The following LRRC4C variants were observed in gnomAD, a reference collection of about 807,000 sequenced individuals.
LRRC4C encodes leucine rich repeat containing 4C.
LRRC4C carries 5 observed loss-of-function variants against 33.6 expected under a neutral mutation model. The ratio of observed to expected loss-of-function variants is 0.15; its 90% CI spans 0.08 to 0.31. The LOEUF (loss-of-function observed/expected upper bound fraction) is 0.31. LRRC4C is among the 10% of genes least tolerant of loss of function. The probability of loss-of-function intolerance (pLI) is 1.00; values close to 1 mark genes in which losing one functional copy is unlikely to be tolerated. For missense variants in LRRC4C, 560 were observed against 796.7 expected (o/e 0.70, Z 3.58); for synonymous variants, 329 against 302.0 (o/e 1.09, Z -0.93).
chr11:40,253,030 T>G (rs1055569297), intron 4 of LRRC4C, among the ~76,000 whole-genome samples: 13 of 152,178 alleles, frequency 8.5e-5, no homozygotes, highest in South Asian at 4.1e-4. Context: ...GAAAATAATT[T>G]TGGATCAGAA....
intron 1 of LRRC4C, among the ~76,000 whole-genome samples, chr11:41,386,485 G>A (rs1039526521): frequency 3.3e-5 from 5 of 151,478 alleles, no homozygotes; most frequent in African/African-American, 9.7e-5. Flanking sequence ...TTAACTGCAG[G>A]CTTTGTTCAG....
intron 1 of LRRC4C, among the ~76,000 whole-genome samples, chr11:41,373,815 A>G (rs1952840705): frequency 6.6e-6 from 1 of 152,214 alleles, no homozygotes; most frequent in Non-Finnish European, 1.5e-5. Context: ...AAGCAAAGAA[A>G]TAGAATTTTC....
At chr11:41,126,988 A>G (rs916253453) in intron 1 of LRRC4C, among the ~76,000 whole-genome samples, 1 of 152,216 alleles carries the variant, frequency 6.6e-6, no homozygotes, top group Non-Finnish European at 1.5e-5. Context: ...TCATGCAACA[A>G]TAGATTACTT....
chr11:41,310,107 T>C (rs1216542431), intron 1 of LRRC4C, among the ~76,000 whole-genome samples: 4 of 152,234 alleles, frequency 2.6e-5, no homozygotes, highest in Non-Finnish European at 5.9e-5. Flanking sequence ...TGATTTTAAT[T>C]TGATACACTA....
intron 3 of LRRC4C, among the ~76,000 whole-genome samples, chr11:40,628,338 C>T (rs1591314593): frequency 6.6e-6 from 1 of 152,144 alleles, no homozygotes; most frequent in South Asian, 2.1e-4. Flanking sequence ...ATTAGCCGGG[C>T]GTGGTGGCGG....
At chr11:41,015,861 C>T (rs574156988) in intron 1 of LRRC4C, among the ~76,000 whole-genome samples, 2 of 152,038 alleles carry the variant, frequency 1.3e-5, no homozygotes, top group African/African-American at 4.8e-5. Flanking sequence ...TTTATCCGGG[C>T]GTGGTGGCGG....
At position 40,478,843 on chromosome 11, in the gene LRRC4C, T is replaced by A. The variant is rs546065670; in HGVS notation, c.-269-159122A>T. Among the ~76,000 whole-genome samples the A allele has an allele frequency of 4.1e-4, 62 of 152,308 alleles. 1 individual carries two copies. Among genetic ancestry groups the A allele is most frequent in the African/African-American group, 1.4e-3 (60 of 41,570 alleles). ...TGCATCAAGAGTGGAAGTGACAGTA[T>A]TGAAGAAAATCTGCATTAGGAGGTT... On this transcript the variant is annotated intron_variant, in intron 3 of 6. Transcript: ENST00000528697.
At chr11:40,629,635 A>G (rs1963279586) in intron 3 of LRRC4C, among the ~76,000 whole-genome samples, 1 of 152,162 alleles carries the variant, frequency 6.6e-6, no homozygotes, top group Non-Finnish European at 1.5e-5. Context: ...CTGTGTCACC[A>G]TAGCTTTGAT....
At chr11:41,449,602 T>C (rs1353228422) in intron 1 of LRRC4C, among the ~76,000 whole-genome samples, 1 of 151,980 alleles carries the variant, frequency 6.6e-6, no homozygotes, top group Non-Finnish European at 1.5e-5. Flanking sequence ...ATTAGCTGTT[T>C]CTCTGTTTCT....
intron 3 of LRRC4C, among the ~76,000 whole-genome samples, chr11:40,347,481 T>A (rs963675503): frequency 2.6e-5 from 4 of 152,176 alleles, no homozygotes; most frequent in Admixed American, 6.5e-5. Flanking sequence ...TTCTTCAGAA[T>A]TTTTTTTCTT....
At chr11:41,421,349 T>A (rs1954867482) in intron 1 of LRRC4C, among the ~76,000 whole-genome samples, 2 of 152,056 alleles carry the variant, frequency 1.3e-5, no homozygotes, top group Admixed American at 6.6e-5. Context: ...TAGCAACTGT[T>A]GGTAATTTTG....
intron 1 of LRRC4C, among the ~76,000 whole-genome samples, chr11:41,268,765 A>T (rs773976780): frequency 5.2e-4 from 79 of 152,148 alleles, no homozygotes; most frequent in Admixed American, 1.9e-3. Context: ...AAAATCCCAA[A>T]TTCCTCAGTG....
intron 2 of LRRC4C, among the ~76,000 whole-genome samples, chr11:40,896,125 T>G (rs914971986): frequency 1.3e-5 from 2 of 152,160 alleles, no homozygotes; most frequent in Non-Finnish European, 2.9e-5. Flanking sequence ...CTCTATTCAC[T>G]TCACACGATT....
At chr11:41,325,787 G>A (rs892914209) in intron 1 of LRRC4C, among the ~76,000 whole-genome samples, 4 of 151,972 alleles carry the variant, frequency 2.6e-5, no homozygotes, top group African/African-American at 9.7e-5. Context: ...CCAATTTTTA[G>A]TATATGCATT....
intron 2 of LRRC4C, among the ~76,000 whole-genome samples, chr11:40,887,907 G>A (rs1955536034): frequency 6.6e-6 from 1 of 151,734 alleles, no homozygotes; most frequent in South Asian, 2.1e-4. Flanking sequence ...GAAATCATTT[G>A]TTATACTTAA....
intron 3 of LRRC4C, among the ~76,000 whole-genome samples, chr11:40,352,313 A>G (rs1947448631): frequency 6.6e-6 from 1 of 152,006 alleles, no homozygotes; most frequent in South Asian, 2.1e-4. Flanking sequence ...CCTATAAACC[A>G]TTATTTTAAA....
At chr11:40,276,894 G>C (rs141932264) in intron 4 of LRRC4C, among the ~76,000 whole-genome samples, 1 of 152,022 alleles carries the variant, frequency 6.6e-6, no homozygotes, top group Non-Finnish European at 1.5e-5. Flanking sequence ...ACCAATGCCC[G>C]GAGAAGCTGA....
In LRRC4C at chr11:41,092,747, T is replaced by C. The variant is rs376386994; in HGVS notation, c.-495-159024A>G. On this transcript the variant is annotated intron_variant, in intron 1 of 6. Coordinates refer to ENST00000528697, the MANE Select transcript of LRRC4C (RefSeq NM_001258419.2). The stretch of plus-strand genomic sequence containing the variant: ...GACAATATCCTGCTTTTAGTCTAAC[T>C]ACAACATTAATAAAGAGACTGAGCA... 1.2e-4 allele frequency among the ~76,000 whole-genome samples: 19 copies of C among 152,372 alleles called. No individual in the cohort carries two copies. The East Asian group carries it at 1.7e-3, about 14-fold the overall frequency.
chr11:41,187,959 T>C (rs1156362423), intron 1 of LRRC4C, among the ~76,000 whole-genome samples: 1 of 152,242 alleles, frequency 6.6e-6, no homozygotes, highest in African/African-American at 2.4e-5. Context: ...ACATCATATC[T>C]GAACAGTTTA....
Sources: allele counts gnomAD v4.1 joint callset (sites outside exome capture counted in the v4.1 genomes callset), GRCh38; gene constraint gnomAD v4.1.1; transcripts MANE v1.5; gene names NCBI Gene and HGNC (gene_info 2026-07-23, HGNC 2026-07-21).